The following CLEC16A variants were observed in gnomAD, a reference collection of about 807,000 sequenced individuals.
CLEC16A encodes the protein protein CLEC16A.
Under a neutral mutation model 109.5 loss-of-function variants are expected in CLEC16A, and 51 were observed. That is an observed-to-expected ratio of 0.47 (90% CI 0.37 to 0.59). The LOEUF is 0.59. CLEC16A is among the 20% of genes least tolerant of loss of function. The pLI, the probability that CLEC16A is intolerant of heterozygous loss-of-function variation, is 0.00. For missense variants in CLEC16A, 1,339 were observed against 1,394.0 expected (o/e 0.96, Z 0.63); for synonymous variants, 673 against 564.2 (o/e 1.19, Z -2.73).
At chr16:11,059,119 C>T (rs1486000963) in intron 18 of CLEC16A, among the ~76,000 whole-genome samples, 1 of 152,150 alleles carries the variant, frequency 6.6e-6, no homozygotes, top group Non-Finnish European at 1.5e-5. Context: ...ATAACTCTGC[C>T]CCTCTCAGCT....
chr16:10,988,782 A>G (rs1041744016), intron 10 of CLEC16A, among the ~76,000 whole-genome samples: 9 of 152,104 alleles, frequency 5.9e-5, no homozygotes, highest in African/African-American at 2.2e-4. Context: ...TTACCTCTCC[A>G]GTGAGAATAG....
In CLEC16A at chr16:11,156,731, C is replaced by G. The variant is rs527804894; in HGVS notation, c.2642-9657C>G. 21 of 1,197,822 alleles carry G rather than the reference C, an allele frequency of 1.8e-5. No individual in the cohort carries two copies. The African/African-American group carries it at 2.0e-4, about 12-fold the overall frequency. 74.2% of individuals were successfully genotyped at this position (1,197,822 alleles called of 1,614,324 possible). ...GGGCTGGGCGAGGCAGGGACTGGGT[C>G]CTTGGGAATCAAGCCCAGCCCTGGC... On this transcript the variant is annotated intron_variant, in intron 22 of 23. Transcript: ENST00000409790.
intron 1 of CLEC16A, among the ~76,000 whole-genome samples, chr16:10,948,446 C>T (rs2041544649): frequency 6.6e-6 from 1 of 152,172 alleles, no homozygotes; most frequent in Admixed American, 6.5e-5. Flanking sequence ...TTGCTACACA[C>T]CATGGGTGGT....
chr16:11,047,397 G>T, intron 17 of CLEC16A, 55 bp downstream of exon 17: 1 of 1,417,200 alleles, frequency 7.1e-7, no homozygotes, highest in Non-Finnish European at 9.5e-7. Context: ...TCCCTGCCAA[G>T]CTCCCCCTGC....
intron 10 of CLEC16A, among the ~76,000 whole-genome samples, chr16:11,000,296 G>A (rs189384274): frequency 1.3e-5 from 2 of 152,292 alleles, no homozygotes; most frequent in Non-Finnish European, 2.9e-5. Flanking sequence ...ATTTCACTTC[G>A]TCAGTTCTGC....
rs532281117 is a variant in CLEC16A, at chr16:11,037,773, TCCCCACCCCCAC to T, written c.1538-1963_1538-1952del. ...ACCTGGGACACAGAGGAGCTTTTAT[TCCCCACCCCCAC>T]CCCCACCCCCACCCCCAGAACCACT... On this transcript the variant is annotated intron_variant, in intron 13 of 23. Transcript: ENST00000409790. Among the ~76,000 whole-genome samples, 277 of 137,410 alleles carry T rather than the reference TCCCCACCCCCAC, an allele frequency of 2.0e-3. 1 individual carries two copies. Among genetic ancestry groups the T allele is most frequent in the Middle Eastern group, 0.014 (4 of 276 alleles). The allele number at this position is 137,410 out of a possible 152,430, so 90.1% of individuals were successfully genotyped here. A position where few individuals can be genotyped will look rare whatever the true frequency, so the allele number is the denominator to read the frequency against.
chr16:11,047,240 T>C (rs749841489), intron 16 of CLEC16A, 52 bp from the exon 17 acceptor site: 30 of 1,506,374 alleles, frequency 2.0e-5, no homozygotes, highest in Non-Finnish European at 2.5e-5. Context: ...CTCTGTTGTT[T>C]ATGGAAAAAA....
chr16:11,171,737 T>C (rs2068519850), intron 23 of CLEC16A, among the ~76,000 whole-genome samples: 1 of 152,206 alleles, frequency 6.6e-6, no homozygotes, highest in South Asian at 2.1e-4. Flanking sequence ...TATCTTCTGG[T>C]ATACCACTGT....
At chr16:11,080,531 A>G (rs544871637) in intron 19 of CLEC16A, among the ~76,000 whole-genome samples, 2 of 152,310 alleles carry the variant, frequency 1.3e-5, no homozygotes, top group East Asian at 3.9e-4. Context: ...TGGGCGGTCC[A>G]TTCGTTTCAT....
chr16:11,053,842 G>T (rs187087377), intron 18 of CLEC16A, among the ~76,000 whole-genome samples: 3 of 152,210 alleles, frequency 2.0e-5, no homozygotes, highest in Non-Finnish European at 4.4e-5. Flanking sequence ...TGCTGGCTCT[G>T]CTCAGGACAC....
chr16:10,949,602 G>GGA (rs112324823), intron 1 of CLEC16A, among the ~76,000 whole-genome samples: 33,754 of 73,188 alleles, frequency 0.46, 4,634 homozygotes, highest in African/African-American at 0.51. Flanking sequence ...GCCATGCTTG[G>GGA]CAGTCTCCAG....
chr16:11,005,513 T>C (rs2044946199), intron 11 of CLEC16A, among the ~76,000 whole-genome samples: 1 of 152,222 alleles, frequency 6.6e-6, no homozygotes, highest in Non-Finnish European at 1.5e-5. Context: ...CCTAATTTCT[T>C]GAGCACATTA....
intron 22 of CLEC16A, among the ~76,000 whole-genome samples, chr16:11,134,038 T>C (rs1345710732): frequency 6.6e-6 from 1 of 152,174 alleles, no homozygotes; most frequent in African/African-American, 2.4e-5. Context: ...AGAAGGAAGA[T>C]GTTACCATTT....
At chr16:10,990,326 C>G (rs1469932283) in intron 10 of CLEC16A, among the ~76,000 whole-genome samples, 2 of 152,188 alleles carry the variant, frequency 1.3e-5, no homozygotes, top group Non-Finnish European at 2.9e-5. Context: ...TTGATATAAT[C>G]AAAATCCAGA....
intron 11 of CLEC16A, among the ~76,000 whole-genome samples, chr16:11,018,717 C>T (rs912800833): frequency 6.9e-6 from 1 of 144,860 alleles, no homozygotes; most frequent in African/African-American, 2.7e-5. Context: ...CTACTGCACT[C>T]CAGCCTGGGC....
chr16:11,035,310 C>T (rs908005887), intron 13 of CLEC16A, among the ~76,000 whole-genome samples: 1 of 152,064 alleles, frequency 6.6e-6, no homozygotes, highest in Non-Finnish European at 1.5e-5. Context: ...GTATGTTTCC[C>T]CTTCATTTTG....
chr16:11,078,115 G>A (rs1567286816), intron 19 of CLEC16A, among the ~76,000 whole-genome samples: 2 of 152,032 alleles, frequency 1.3e-5, no homozygotes. Context: ...TTTGCCACAG[G>A]GGAACCGCTC....
chr16:11,003,628 T>C (rs144015396), intron 11 of CLEC16A, among the ~76,000 whole-genome samples: 4 of 152,206 alleles, frequency 2.6e-5, no homozygotes, highest in African/African-American at 7.2e-5. Flanking sequence ...TGAGCGAATA[T>C]GTGCAATGTG....
chr16:11,144,598 A>T (rs2053977046), intron 22 of CLEC16A, among the ~76,000 whole-genome samples: 1 of 152,202 alleles, frequency 6.6e-6, no homozygotes, highest in African/African-American at 2.4e-5. Context: ...CCCCAGCTTG[A>T]GGCCCACGCC....
Sources: gnomAD v4.1 joint callset for allele counts (sites outside exome capture counted in the v4.1 genomes callset) on GRCh38, gnomAD v4.1.1 for gene constraint, MANE v1.5 for transcripts, NCBI Gene and HGNC (gene_info 2026-07-23, HGNC 2026-07-21) for gene names.